The following ZNF831 variants were observed in gnomAD, a reference collection of about 807,000 sequenced individuals.
ZNF831 encodes zinc finger protein 831, also known as chromosome 20 open reading frame 174.
In ZNF831, 59 loss-of-function variants were observed where a neutral mutation model predicts 95.8. The ratio of observed to expected loss-of-function variants is 0.62; its 90% CI spans 0.50 to 0.77. The LOEUF (loss-of-function observed/expected upper bound fraction) is 0.77, where lower values mean the gene tolerates loss of function less well. Ranked by LOEUF, ZNF831 falls within the 30% of genes least tolerant of loss-of-function variation. The pLI is 0.00. For synonymous variants in ZNF831, 961 were observed against 925.5 expected (o/e 1.04, Z -0.70); for missense variants, 2,205 against 2,164.0 (o/e 1.02, Z -0.38).
intron 1 of ZNF831, among the ~76,000 whole-genome samples, chr20:59,178,746 AC>A (rs1982368913): frequency 6.6e-6 from 1 of 152,162 alleles, no homozygotes; most frequent in Non-Finnish European, 1.5e-5. Flanking sequence ...TTAGGCTTTT[AC>A]TTTGGCCAGG....
chr20:59,161,362 C>T (rs1012578941), upstream of ZNF831, among the ~76,000 whole-genome samples: 1 of 152,068 alleles, frequency 6.6e-6, no homozygotes, highest in African/African-American at 2.4e-5. Context: ...GCTGCAACCT[C>T]TGGCTCCTGG....
At position 59,145,094 on chromosome 20, in the gene ZNF831, A is replaced by G. The variant is rs558237652; in HGVS notation, c.-1424-1137A>G. Among the ~76,000 whole-genome samples, 7 of 152,336 alleles carry G rather than the reference A, an allele frequency of 4.6e-5. No individual in the cohort carries two copies. The South Asian group carries it at 1.2e-3, about 27-fold the overall frequency. ...GGATGGTCCGGTTCACGCTCTGTTC[A>G]TGAACCACAGCCACAGTCTCATGTT... On this transcript the variant is annotated intron_variant, in intron 1 of 7. Transcript: ENST00000637017.
intron 1 of ZNF831, among the ~76,000 whole-genome samples, chr20:59,175,089 C>G (rs937120004): frequency 6.6e-6 from 1 of 152,122 alleles, no homozygotes; most frequent in Non-Finnish European, 1.5e-5. Context: ...CTGATGAGAA[C>G]CTGCTTTCAT....
intron 4 of ZNF831, among the ~76,000 whole-genome samples, chr20:59,226,542 C>T (rs540272521): frequency 1.3e-5 from 2 of 151,544 alleles, no homozygotes; most frequent in East Asian, 1.9e-4. Flanking sequence ...CGTTCATGCC[C>T]GATATAAGGC....
intron 1 of ZNF831, among the ~76,000 whole-genome samples, chr20:59,165,667 G>A (rs1003431512): frequency 2.6e-5 from 4 of 152,214 alleles, no homozygotes; most frequent in African/African-American, 9.6e-5. Context: ...GCATAGGTAG[G>A]AAGCTTGTTC....
Position 59,254,883 on chromosome 20 carries a change from C to G in ZNF831, c.*140C>G. On this transcript the variant is annotated 3_prime_UTR_variant, in exon 6 of 6. Transcript: ENST00000371030. The surrounding 1 kb of genome is among the most constrained non-coding windows in gnomAD (Gnocchi z 4.5). ...AAGCCATTTTGAGTTATTTACAAGCCAACTCCAACCAACTTCTGACCCCCA... is the reference window on the plus strand; with the variant it reads ...AAGCCATTTTGAGTTATTTACAAGCGAACTCCAACCAACTTCTGACCCCCA... The G allele has an allele frequency of 8.6e-7, 1 of 1,167,992 alleles. No homozygotes were observed. The highest frequency in any genetic ancestry group is 2.8e-5 in the Admixed American group (1 of 35,706). 72.4% of individuals were successfully genotyped at this position (1,167,992 alleles called of 1,614,324 possible). A position where few individuals can be genotyped will look rare whatever the true frequency, so the allele number is the denominator to read the frequency against.
At position 59,209,722 on chromosome 20, in the gene ZNF831, TA is replaced by T. The variant is rs1302248404; in HGVS notation, c.4027+2667del. Among the ~76,000 whole-genome samples, 3 of 152,014 alleles carry T rather than the reference TA, an allele frequency of 2.0e-5. No homozygotes were observed. In the East Asian group the frequency reaches 5.8e-4, roughly 29 times the overall value. The stretch of plus-strand genomic sequence containing the variant: ...AGGCTGATGCTCCCTCTGGACTTTC[TA>T]GGGGTGATCCTTCCTGGCCTCTTTT... On this transcript the variant is annotated intron_variant, in intron 4 of 5. Coordinates refer to ENST00000371030, the MANE Select transcript of ZNF831 (RefSeq NM_178457.3).
chr20:59,226,600 C>T (rs555342313), intron 4 of ZNF831, among the ~76,000 whole-genome samples: 13 of 150,752 alleles, frequency 8.6e-5, no homozygotes, highest in South Asian at 2.1e-4. Flanking sequence ...GGGGCCAACC[C>T]GAAATATATA....
rs1987971682 is a variant in ZNF831, at chr20:59,252,964, C to T, written c.4028-14C>T. On this transcript the variant is annotated splice_polypyrimidine_tract_variant and intron_variant, in intron 4 of 5. Coordinates refer to ENST00000371030, the MANE Select transcript of ZNF831 (RefSeq NM_178457.3). ...TAATTCCAGTCATATGTAAATGTGC[C>T]TCTCCCCTTGCAGGTCTGAATCTGC... is the stretch of plus-strand genomic sequence containing the variant. 3.7e-6 allele frequency: 6 copies of T among 1,611,532 alleles called. No individual in the cohort carries two copies. Among genetic ancestry groups the T allele is most frequent in the Non-Finnish European group, 4.2e-6 (5 of 1,178,964 alleles).
At position 59,194,573 on chromosome 20, in the gene ZNF831, G is replaced by C. The variant is rs766203993; in HGVS notation, c.3554G>C (p.Trp1185Ser). ...CTGAAGGCTGAGCCGCGGCTCACGT[G>C]GTGTTGCCTGAGCCGCAGTGTCCCT... ...PSLKAEPRLT[W>S]CCLSRSVPLP... The change falls in exon 2 of 6, where the codon TGG becomes TCG. Residue 1185 changes from tryptophan to serine, a missense_variant. By Grantham distance (177) the Trp-to-Ser change is radical. Coordinates refer to ENST00000371030, the MANE Select transcript of ZNF831 (RefSeq NM_178457.3). 1 of 1,608,712 alleles carries C rather than the reference G, an allele frequency of 6.2e-7. No individual in the cohort carries two copies. The highest frequency in any genetic ancestry group is 1.3e-5 in the African/African-American group (1 of 74,964).
rs1165003048 is a variant in ZNF831 at position 59,192,426 on chromosome 20, C to T, written c.1407C>T (p.Pro469=). The T allele has an allele frequency of 9.9e-6, 16 of 1,609,992 alleles. No homozygotes were observed. The highest frequency in any genetic ancestry group is 1.2e-5 in the Non-Finnish European group (14 of 1,178,500). The part of the protein sequence containing the change: ...LEPGRRRAPG[P]VRSTWTPPDK... ...CAGGCCGTAGGAGGGCCCCGGGCCC[C>T]GTGCGCTCCACCTGGACGCCCCCAG... The change falls in exon 2 of 6, where the codon CCC becomes CCT. Residue 469 remains proline, a synonymous_variant. Transcript: ENST00000371030. The surrounding 1 kb of genome is among the most constrained non-coding windows in gnomAD (Gnocchi z 5.2).
At chr20:59,171,743 T>C (rs1303734369) in intron 1 of ZNF831, among the ~76,000 whole-genome samples, 4 of 152,146 alleles carry the variant, frequency 2.6e-5, no homozygotes, top group African/African-American at 4.8e-5. Context: ...ATAACACACA[T>C]AGAGACCATA....
chr20:59,195,704 C>G, intron 2 of ZNF831, 165 bp from the exon 3 acceptor site: 1 of 922,714 alleles, frequency 1.1e-6, no homozygotes, highest in Non-Finnish European at 1.3e-6. Context: ...AACGCTCTGC[C>G]GTTGCCTGGT....
chr20:59,226,037 A>G (rs1986406714), intron 4 of ZNF831, among the ~76,000 whole-genome samples: 1 of 152,090 alleles, frequency 6.6e-6, no homozygotes, highest in African/African-American at 2.4e-5. Flanking sequence ...CCTGGCTTAT[A>G]TTATACCTAC....
intron 4 of ZNF831, among the ~76,000 whole-genome samples, chr20:59,236,570 T>G (rs1328608833): frequency 6.6e-6 from 1 of 151,210 alleles, no homozygotes; most frequent in Non-Finnish European, 1.5e-5. Flanking sequence ...CTTTTTTTTT[T>G]TTTTTTTCAG....
Position 59,191,255 on chromosome 20 carries a change from C to T in ZNF831, c.236C>T (p.Thr79Met), listed in dbSNP as rs775586152. Residue 79 changes from threonine to methionine, a missense_variant, in exon 2 of 6, where the codon ACG (threonine) becomes ATG (methionine). By Grantham distance (81) the Thr-to-Met change is moderately conservative. Coordinates refer to ENST00000371030, the MANE Select transcript of ZNF831 (RefSeq NM_178457.3). Reference sequence around the variant, plus strand: ...CTCCAGCCCCGCGCCCCGCTAGTGACGGGCAGCCTAGATGGGGGCAACGTG... The same window carrying T: ...CTCCAGCCCCGCGCCCCGCTAGTGATGGGCAGCCTAGATGGGGGCAACGTG... ...GGLQPRAPLV[T>M]GSLDGGNVPF... 1.1e-5 allele frequency: 17 copies of T among 1,549,542 alleles called. No individual in the cohort carries two copies. Among genetic ancestry groups the T allele is most frequent in the South Asian group, 3.6e-5 (3 of 82,320 alleles).
intron 4 of ZNF831, among the ~76,000 whole-genome samples, chr20:59,229,927 G>C (rs1986633792): frequency 6.6e-6 from 1 of 152,074 alleles, no homozygotes; most frequent in Non-Finnish European, 1.5e-5. Flanking sequence ...GCCTGGCTTT[G>C]GGGAATGCTG....
At chr20:59,250,920 A>G (rs1049112490) in intron 4 of ZNF831, among the ~76,000 whole-genome samples, 1 of 152,190 alleles carries the variant, frequency 6.6e-6, no homozygotes, top group Admixed American at 6.5e-5. Flanking sequence ...GGGCAATTCT[A>G]GAAAGAGAGA....
chr20:59,235,213 G>A (rs933906826), intron 4 of ZNF831, among the ~76,000 whole-genome samples: 1 of 152,118 alleles, frequency 6.6e-6, no homozygotes, highest in East Asian at 1.9e-4. Flanking sequence ...CATTTTCATC[G>A]TGCCACAGCC....
Sources: gnomAD v4.1 joint callset for allele counts (sites outside exome capture counted in the v4.1 genomes callset) on GRCh38, gnomAD v4.1.1 for gene constraint, Gnocchi (gnomAD v3.1) non-coding constraint, MANE v1.5 for transcripts, NCBI Gene and HGNC (gene_info 2026-07-23, HGNC 2026-07-21) for gene names.